The following CREB3L4 variants were observed in gnomAD, a reference collection of about 807,000 sequenced individuals.
CREB3L4 encodes the protein cyclic AMP-responsive element-binding protein 3-like protein 4.
CREB3L4 carries 28 observed loss-of-function variants against 37.0 expected under a neutral mutation model. The ratio of observed to expected loss-of-function variants is 0.76; its 90% confidence interval spans 0.56 to 1.04. The LOEUF is 1.04. Among genes scored for constraint, CREB3L4 ranks in the 50% least tolerant of loss-of-function variants. The pLI is 0.00. For synonymous variants in CREB3L4, 175 were observed against 192.2 expected (o/e 0.91, Z 0.74); for missense variants, 462 against 486.0 (o/e 0.95, Z 0.46).
In CREB3L4 at chr1:153,973,075, G is replaced by A; in HGVS notation, c.740G>A (p.Ser247Asn). Residue 247 changes from serine to asparagine, a missense_variant, in exon 6 of 10, where the codon AGC (serine) becomes AAC (asparagine). Coordinates refer to ENST00000368607, the MANE Select transcript of CREB3L4 (RefSeq NM_001255978.2). ...AAGGAGTACATTGATGGGCTGGAGA[G>A]CAGGTACGCCTGGGTTATTTCTGGC... is the stretch of plus-strand genomic sequence containing the variant. ...RKKEYIDGLE[S>N]RVAACSAQNQ... 5 of 1,614,092 alleles carry A rather than the reference G, an allele frequency of 3.1e-6. No homozygotes were observed. The highest frequency in any genetic ancestry group is 4.2e-6 in the Non-Finnish European group (5 of 1,179,944).
At position 153,968,603 on chromosome 1, in the gene CREB3L4, G is replaced by A; in HGVS notation, c.78G>A (p.Leu26=). The A allele has an allele frequency of 6.2e-7, 1 of 1,614,124 alleles. No homozygotes were observed. Among genetic ancestry groups the A allele is most frequent in the Non-Finnish European group, 8.5e-7 (1 of 1,180,026 alleles). Reference sequence around the variant, plus strand: ...ATATCTTCTCGACAGGATCCGTCCTGGAGCTGGGACTCCACTGCCCCCCTC... The same window carrying A: ...ATATCTTCTCGACAGGATCCGTCCTAGAGCTGGGACTCCACTGCCCCCCTC... The part of the protein sequence containing the change: ...PEDIFSTGSV[L]ELGLHCPPPE... Residue 26 remains leucine (L), a synonymous_variant, in exon 2 of 10, where the codon CTG becomes CTA. Coordinates refer to ENST00000368607, the MANE Select transcript of CREB3L4 (RefSeq NM_001255978.2).
intron 1 of CREB3L4, 111 bp from the exon 2 acceptor site, chr1:153,968,410 TG>T (rs1038322619): frequency 1.2e-5 from 9 of 754,924 alleles, no homozygotes; most frequent in African/African-American, 4.4e-5. Flanking sequence ...GAGGAAGGAG[TG>T]GGGGGGCGGG....
rs913216931 is a variant in CREB3L4, at chr1:153,968,658, C to G, written c.133C>G (p.Gln45Glu). 6.2e-7 allele frequency: 1 copy of G among 1,613,784 alleles called. No individual in the cohort carries two copies. Among genetic ancestry groups the G allele is most frequent in the African/African-American group, 1.3e-5 (1 of 74,852 alleles). The part of the protein sequence containing the change: ...PEVPVTRLQE[Q>E]GLQGWKSGGD... The stretch of plus-strand genomic sequence containing the variant: ...GGTTCCGGTAACTAGGCTACAGGAA[C>G]AGGGACTGCAAGGCTGGAAGTCCGG... The change falls in exon 2 of 10, where the codon CAG becomes GAG. Residue 45 changes from glutamine (Q) to glutamate (E), a missense_variant. Physicochemically the swap from Gln to Glu is conservative, Grantham distance 29. Transcript: ENST00000368607.
Position 153,969,428 on chromosome 1 carries a change from C to G in CREB3L4, c.516C>G (p.Thr172=). The change falls in exon 4 of 10, where the codon ACC becomes ACG. Residue 172 remains threonine (T), a synonymous_variant. Coordinates refer to ENST00000368607, the MANE Select transcript of CREB3L4 (RefSeq NM_001255978.2). ...CCCACATCCTGCCCAGAGCAGGCACCGTAGCCCCAGTGCCCTGTACAACCC... is the reference window on the plus strand; with the variant it reads ...CCCACATCCTGCCCAGAGCAGGCACGGTAGCCCCAGTGCCCTGTACAACCC... ...AHAHILPRAG[T]VAPVPCTTLL... 3.7e-6 allele frequency: 6 copies of G among 1,614,100 alleles called. No homozygotes were observed. The highest frequency in any genetic ancestry group is 5.1e-6 in the Non-Finnish European group (6 of 1,179,986).
rs984083092 is a variant in CREB3L4 at position 153,974,102 on chromosome 1, A to G, written c.*37A>G. On this transcript the variant is annotated 3_prime_UTR_variant, in exon 10 of 10. Coordinates refer to ENST00000368607, the MANE Select transcript of CREB3L4 (RefSeq NM_001255978.2). ...CCTTCCTGGCCCACTTCCTGATCAC[A>G]AGGAATCCTGGGCTTCCTTATGGCT... The G allele has an allele frequency of 1.1e-5, 17 of 1,591,300 alleles. No individual in the cohort carries two copies. The highest frequency in any genetic ancestry group is 2.2e-4 in the Middle Eastern group (1 of 4,618).
intron 5 of CREB3L4, 50 bp from the exon 6 acceptor site, chr1:153,972,922 A>G: frequency 6.3e-7 from 1 of 1,599,306 alleles, no homozygotes; most frequent in South Asian, 1.1e-5. Context: ...AGCATTGGGG[A>G]GTTGGGGGCA....
intron 4 of CREB3L4, among the ~76,000 whole-genome samples, chr1:153,971,289 A>C (rs1316533880): frequency 2.7e-5 from 4 of 150,942 alleles, no homozygotes; most frequent in South Asian, 2.1e-4. Flanking sequence ...AATCGCTTGA[A>C]CCCGGGAAGC....
At position 153,974,132 on chromosome 1, in the gene CREB3L4, T is replaced by A. The variant is rs1293204782; in HGVS notation, c.*67T>A. Reference sequence around the variant, plus strand: ...ATCCTGGGCTTCCTTATGGCTTTGCTTCCCACTGGGATTCCTACTTAGGTG... The same window carrying A: ...ATCCTGGGCTTCCTTATGGCTTTGCATCCCACTGGGATTCCTACTTAGGTG... On this transcript the variant is annotated 3_prime_UTR_variant, in exon 10 of 10. Coordinates refer to ENST00000368607, the MANE Select transcript of CREB3L4 (RefSeq NM_001255978.2). 6.7e-7 allele frequency: 1 copy of A among 1,483,720 alleles called. No homozygotes were observed. The highest frequency in any genetic ancestry group is 1.4e-5 in the African/African-American group (1 of 72,184). The allele number at this position is 1,483,720 out of a possible 1,614,324, so 91.9% of individuals were successfully genotyped here. A position where few individuals can be genotyped will look rare whatever the true frequency, so the allele number is the denominator to read the frequency against.
At chr1:153,971,570 G>GTTTTCT (rs1186000121) in intron 4 of CREB3L4, among the ~76,000 whole-genome samples, 5 of 133,528 alleles carry the variant, frequency 3.7e-5, no homozygotes, top group African/African-American at 1.4e-4. Context: ...TGGCCACTCT[G>GTTTTCT]TTTTCTTTTT....
Position 153,973,448 on chromosome 1 carries a change from C to T in CREB3L4, c.881C>T (p.Thr294Ile). ...IAQTSNKAAQ[T>I]STCVLILLFS... ...CAAACTTCCAACAAAGCTGCCCAGA[C>T]CAGCACTTGTGTTTTGGTACCATTA... The change falls in exon 8 of 10, where the codon ACC (threonine) becomes ATC (isoleucine). Residue 294 changes from threonine (T) to isoleucine (I), a missense_variant. Transcript: ENST00000368607. 6 of 1,614,046 alleles carry T rather than the reference C, an allele frequency of 3.7e-6. No homozygotes were observed. Among genetic ancestry groups the T allele is most frequent in the Non-Finnish European group, 5.1e-6 (6 of 1,179,928 alleles).
At position 153,974,143 on chromosome 1, in the gene CREB3L4, A is replaced by T; in HGVS notation, c.*78A>T. The T allele has an allele frequency of 7.1e-7, 1 of 1,405,600 alleles. No individual in the cohort carries two copies. 87.1% of individuals were successfully genotyped at this position (1,405,600 alleles called of 1,614,324 possible). On this transcript the variant is annotated 3_prime_UTR_variant, in exon 10 of 10. Transcript: ENST00000368607. The stretch of plus-strand genomic sequence containing the variant: ...CCTTATGGCTTTGCTTCCCACTGGG[A>T]TTCCTACTTAGGTGTCTGCCCTCAG...
chr1:153,970,750 T>TA (rs1365520357), intron 4 of CREB3L4, among the ~76,000 whole-genome samples: 1 of 145,026 alleles, frequency 6.9e-6, no homozygotes. Context: ...TTTTTTTTTT[T>TA]TTTTTTTTTT....
rs923137012 is a variant in CREB3L4, at chr1:153,972,769, C to A, written c.569C>A (p.Thr190Asn). Residue 190 changes from threonine to asparagine, a missense_variant, in exon 5 of 10, where the codon ACC (threonine) becomes AAC (asparagine). Thr to Asn is a moderately conservative substitution (Grantham distance 65). Coordinates refer to ENST00000368607, the MANE Select transcript of CREB3L4 (RefSeq NM_001255978.2). The stretch of plus-strand genomic sequence containing the variant: ...CTGCCCTGTCAAACCCTGTTCCTGA[C>A]CGATGAGGAGAAGCGTCTGCTGGGG... The part of the protein sequence containing the change: ...TLLPCQTLFL[T>N]DEEKRLLGQE... 6.2e-7 allele frequency: 1 copy of A among 1,613,904 alleles called. No homozygotes were observed. The highest frequency in any genetic ancestry group is 8.5e-7 in the Non-Finnish European group (1 of 1,179,956).
intron 1 of CREB3L4, 144 bp from the exon 2 acceptor site, chr1:153,968,378 A>G: frequency 1.6e-6 from 1 of 609,050 alleles, no homozygotes. Flanking sequence ...TATCGAGGGG[A>G]CAGGTGAGGG....
At chr1:153,971,101 T>TG (rs141104836) in intron 4 of CREB3L4, among the ~76,000 whole-genome samples, 145,614 of 145,618 alleles carry the variant, frequency 1, 72,805 homozygotes, top group Middle Eastern at 1. Flanking sequence ...CCGGGCGCGG[T>TG]GCTCATGCCT....
chr1:153,969,662 G>A, intron 4 of CREB3L4: 1 of 542,226 alleles, frequency 1.8e-6, no homozygotes, highest in Non-Finnish European at 3.3e-6. Flanking sequence ...CCAGGCTGGA[G>A]TGCAGTGGTG....
chr1:153,972,650 C>T, intron 4 of CREB3L4, 94 bp from the exon 5 acceptor site: 1 of 950,460 alleles, frequency 1.1e-6, no homozygotes, highest in Non-Finnish European at 1.6e-6. Flanking sequence ...AGGAAACACT[C>T]TCCAGAAGGC....
intron 5 of CREB3L4, 55 bp downstream of exon 5, chr1:153,972,891 AG>A: frequency 6.3e-7 from 1 of 1,599,886 alleles, no homozygotes; most frequent in Non-Finnish European, 8.6e-7. Flanking sequence ...ATGACCTCTG[AG>A]GGGCCAATAT....
At chr1:153,968,880 G>A (rs1203785530) in intron 2 of CREB3L4, 50 bp from the exon 3 acceptor site, 1 of 1,554,832 alleles carries the variant, frequency 6.4e-7, no homozygotes, top group Non-Finnish European at 8.7e-7. Context: ...AGTCAGGGAG[G>A]ACTTCCAAAA....
Sources: gnomAD v4.1 joint callset for allele counts (sites outside exome capture counted in the v4.1 genomes callset) on GRCh38, gnomAD v4.1.1 for gene constraint, MANE v1.5 for transcripts, NCBI Gene and HGNC (gene_info 2026-07-23, HGNC 2026-07-21) for gene names.